ANO1: variants seen among roughly 807,000 people sequenced by gnomAD.
ANO1 encodes anoctamin 1.
In ANO1, 59 loss-of-function variants were observed where a neutral mutation model predicts 124.0. The observed-to-expected ratio is 0.48, with a 90% confidence interval of 0.39 to 0.59. The LOEUF (loss-of-function observed/expected upper bound fraction) is 0.59, where lower values mean the gene tolerates loss of function less well. ANO1 is among the 20% of genes least tolerant of loss of function. The pLI, the probability that ANO1 is intolerant of heterozygous loss-of-function variation, is 0.00. For missense variants in ANO1, 1,059 were observed against 1,328.0 expected (o/e 0.80, Z 3.15); for synonymous variants, 529 against 532.0 (o/e 0.99, Z 0.08).
chr11:70,090,105 T>A (rs986283428), intron 2 of ANO1, among the ~76,000 whole-genome samples: 1 of 152,330 alleles, frequency 6.6e-6, no homozygotes, highest in Non-Finnish European at 1.5e-5. Flanking sequence ...CACTGCAAGC[T>A]CCGCCTCCCG....
intron 2 of ANO1, among the ~76,000 whole-genome samples, chr11:70,088,394 C>T (rs114121067): frequency 0.012 from 1,858 of 151,724 alleles, 36 homozygotes; most frequent in African/African-American, 0.042. Flanking sequence ...TCTGTGGCCC[C>T]CCTACTCGGG....
chr11:70,102,684 C>A (rs1359526992), intron 2 of ANO1, among the ~76,000 whole-genome samples: 1 of 152,172 alleles, frequency 6.6e-6, no homozygotes, highest in South Asian at 2.1e-4. Flanking sequence ...AGGTGGAGGC[C>A]GAGGGGCCTG....
intron 1 of ANO1, among the ~76,000 whole-genome samples, chr11:70,066,395 C>G (rs1209843023): frequency 1.3e-5 from 2 of 152,114 alleles, no homozygotes; most frequent in African/African-American, 4.8e-5. Context: ...GAGTTGGAAA[C>G]AGGGGTCCCA....
intron 24 of ANO1, 77 bp from the exon 25 acceptor site, chr11:70,185,513 C>T (rs2049080455): frequency 1.5e-6 from 2 of 1,367,980 alleles, no homozygotes; most frequent in Non-Finnish European, 2.0e-6. Context: ...CCCAGGCGTC[C>T]CTCGAGCTGC....
chr11:70,116,418 A>G (rs762641258), intron 7 of ANO1, 40 bp from the exon 8 acceptor site: 1 of 1,571,036 alleles, frequency 6.4e-7, no homozygotes, highest in Admixed American at 1.9e-5. Context: ...CCAAAGCTCC[A>G]TTGGATGATA....
At chr11:70,073,326 T>C (rs1022535706), upstream of ANO1, among the ~76,000 whole-genome samples, 3 of 152,144 alleles carry the variant, frequency 2.0e-5, no homozygotes, top group Non-Finnish European at 4.4e-5. Flanking sequence ...AGATTTCGTC[T>C]AAACTTCTTC....
rs1385639818 is a variant in ANO1 at position 70,078,342 on chromosome 11, G to A, written c.-265G>A. The A allele has an allele frequency of 2.0e-5, 3 of 149,502 alleles. No homozygotes were observed. Among genetic ancestry groups the A allele is most frequent in the Non-Finnish European group, 4.5e-5 (3 of 66,984 alleles). 9.3% of individuals were successfully genotyped at this position (149,502 alleles called of 1,614,324 possible). A position where few individuals can be genotyped will look rare whatever the true frequency, so the allele number is the denominator to read the frequency against. ...GGCGTCCAAGTTCCTGACCAGGCGCGGGCCGGCCCGCGGGACCAGCAGCCG... is the reference window on the plus strand; with the variant it reads ...GGCGTCCAAGTTCCTGACCAGGCGCAGGCCGGCCCGCGGGACCAGCAGCCG... On this transcript the variant is annotated 5_prime_UTR_variant, in exon 1 of 26. Coordinates refer to ENST00000355303, the MANE Select transcript of ANO1 (RefSeq NM_018043.7).
At chr11:70,040,740 C>T (rs557624147) in intron 1 of ANO1, among the ~76,000 whole-genome samples, 1 of 152,324 alleles carries the variant, frequency 6.6e-6, no homozygotes, top group Admixed American at 6.5e-5. Flanking sequence ...AGGACACTGA[C>T]TGCTGCAGCA....
Position 70,078,678 on chromosome 11 carries a change from C to A in ANO1, c.72C>A (p.Ala24=). The change falls in exon 1 of 26, where the codon GCC becomes GCA. Residue 24 remains alanine, a synonymous_variant. Coordinates refer to ENST00000355303, the MANE Select transcript of ANO1 (RefSeq NM_018043.7). ...DRSVHIINIC[A]IEDIGYLPSE... is the part of the protein sequence containing the mutation. ...GCGTCCACATCATCAACATCTGCGC[C>A]ATCGAGGACATCGGCTACCTGCCGT... The A allele has an allele frequency of 6.7e-7, 1 of 1,493,424 alleles. No individual in the cohort carries two copies. Among genetic ancestry groups the A allele is most frequent in the Non-Finnish European group, 9.0e-7 (1 of 1,110,406 alleles). The allele number at this position is 1,493,424 out of a possible 1,614,324, so 92.5% of individuals were successfully genotyped here.
chr11:70,006,663 C>CTTTCTTTTTTTT (rs1856495151), intron 1 of ANO1, among the ~76,000 whole-genome samples: 1 of 88,996 alleles, frequency 1.1e-5, no homozygotes, highest in African/African-American at 4.2e-5. Flanking sequence ...TTTCTTCTTT[C>CTTTCTTTTTTTT]TTTTTTTTTT....
chr11:70,107,325 C>A (rs2135382453), intron 5 of ANO1, among the ~76,000 whole-genome samples: 1 of 152,094 alleles, frequency 6.6e-6, no homozygotes, highest in Admixed American at 6.5e-5. Flanking sequence ...GGCCTCAAGG[C>A]CTGGTTGTTA....
chr11:69,984,711 C>G (rs1324208740), upstream of ANO1, among the ~76,000 whole-genome samples: 3 of 152,140 alleles, frequency 2.0e-5, no homozygotes, highest in Non-Finnish European at 4.4e-5. Flanking sequence ...GTCTGTCTCC[C>G]TCAGGGCCCA....
the ANO1 span, among the ~76,000 whole-genome samples, chr11:69,966,583 T>G: frequency 6.6e-6 from 1 of 151,402 alleles, no homozygotes; most frequent in Admixed American, 6.6e-5. Context: ...GCGAGTGGGA[T>G]GGAGGAAAGA....
At chr11:70,181,279 G>A (rs1243405139) in intron 23 of ANO1, among the ~76,000 whole-genome samples, 1 of 152,186 alleles carries the variant, frequency 6.6e-6, no homozygotes, top group African/African-American at 2.4e-5. Flanking sequence ...GGGCCGTGAT[G>A]CCAAGTCAGG....
intron 1 of ANO1, among the ~76,000 whole-genome samples, chr11:70,031,726 C>T (rs569177559): frequency 2.6e-5 from 4 of 152,256 alleles, no homozygotes; most frequent in South Asian, 2.1e-4. Flanking sequence ...CTGTCACTGC[C>T]GCTGTCACTA....
intron 7 of ANO1, among the ~76,000 whole-genome samples, chr11:70,112,615 T>A (rs1483903452): frequency 6.7e-6 from 1 of 148,344 alleles, no homozygotes; most frequent in African/African-American, 2.5e-5. Flanking sequence ...TGGAGTGCAA[T>A]GGCATGATCT....
chr11:69,998,247 A>C (rs1554998697), intron 1 of ANO1, among the ~76,000 whole-genome samples: 1 of 152,126 alleles, frequency 6.6e-6, no homozygotes, highest in Non-Finnish European at 1.5e-5. Context: ...ACACAAATCT[A>C]AACATCTACA....
rs765526198 is a variant in ANO1, at chr11:70,087,799, C to T, written c.156C>T (p.Gly52=). 3.1e-6 allele frequency: 5 copies of T among 1,612,682 alleles called. No individual in the cohort carries two copies. In the East Asian group the frequency reaches 6.7e-5, roughly 22 times the overall value. Residue 52 remains glycine (G), a synonymous_variant, in exon 2 of 26, where the codon GGC becomes GGT. Coordinates refer to ENST00000355303, the MANE Select transcript of ANO1 (RefSeq NM_018043.7). ...SVDPDAECKY[G]LYFRDGRRKV... The stretch of plus-strand genomic sequence containing the variant: ...ACCCTGATGCCGAGTGCAAGTATGG[C>T]CTGTACTTCAGGGACGGCCGGCGCA...
chr11:70,161,566 G>A, intron 17 of ANO1, 56 bp from the exon 18 acceptor site: 1 of 1,576,110 alleles, frequency 6.3e-7, no homozygotes, highest in Admixed American at 1.7e-5. Flanking sequence ...AGCTGGACCA[G>A]GCTGTTGGGG....
Sources: allele counts gnomAD v4.1 joint callset (sites outside exome capture counted in the v4.1 genomes callset), GRCh38; gene constraint gnomAD v4.1.1; transcripts MANE v1.5; gene names NCBI Gene and HGNC (gene_info 2026-07-23, HGNC 2026-07-21).